The following MDN1 variants were observed in gnomAD, a reference collection of about 807,000 sequenced individuals.
MDN1 encodes midasin.
In MDN1, 266 loss-of-function variants were observed where a neutral mutation model predicts 669.2. That is an observed-to-expected ratio of 0.40 (90% confidence interval 0.36 to 0.44). The LOEUF (loss-of-function observed/expected upper bound fraction) is 0.44, where lower values mean the gene tolerates loss of function less well. Among genes scored for constraint, MDN1 ranks in the 20% least tolerant of loss-of-function variants. MDN1 has a pLI of 1.00. For synonymous variants in MDN1, 2,385 were observed against 2,457.1 expected, an observed-to-expected ratio of 0.97 and a Z score of 0.87; for missense variants, 5,940 against 6,754.0, an observed-to-expected ratio of 0.88 and a Z score of 4.22.
In MDN1 at chr6:89,695,500, C is replaced by T; in HGVS notation, c.9771+105G>A. 1 of 1,400,320 alleles carries T rather than the reference C, an allele frequency of 7.1e-7. No homozygotes were observed. The highest frequency in any genetic ancestry group is 9.7e-7 in the Non-Finnish European group (1 of 1,032,162). The allele number at this position is 1,400,320 out of a possible 1,614,324, so 86.7% of individuals were successfully genotyped here. On this transcript the variant is annotated intron_variant, in intron 61 of 101. Coordinates refer to ENST00000369393, the MANE Select transcript of MDN1 (RefSeq NM_014611.3). The surrounding 1 kb of genome is among the most constrained non-coding windows in gnomAD (Gnocchi z 4.1). Reference sequence around the variant, plus strand: ...ATAAGGCAACTTATGCAATATCATGCTTGTGATGATCTGAGCACCCAAAAG... The same window carrying T: ...ATAAGGCAACTTATGCAATATCATGTTTGTGATGATCTGAGCACCCAAAAG...
At chr6:89,762,196 G>C (rs140348750) in intron 16 of MDN1, 123 bp downstream of exon 16, 1 of 778,630 alleles carries the variant, frequency 1.3e-6, no homozygotes, top group African/African-American at 1.7e-5. Context: ...TTCACAATTA[G>C]TCACTTCTGC....
intron 2 of MDN1, among the ~76,000 whole-genome samples, chr6:89,799,171 T>C (rs1198469976): frequency 1.3e-5 from 2 of 152,208 alleles, no homozygotes; most frequent in East Asian, 3.8e-4. Context: ...ACCTTACACA[T>C]GGACCATGTC....
At chr6:89,801,047 G>C (rs1017034082) in intron 2 of MDN1, among the ~76,000 whole-genome samples, 8 of 152,204 alleles carry the variant, frequency 5.3e-5, no homozygotes, top group Non-Finnish European at 1.0e-4. Context: ...AGCAGGCGCT[G>C]GTCAAGTCAG....
chr6:89,766,400 T>C (rs926251996), intron 15 of MDN1, among the ~76,000 whole-genome samples: 3 of 150,636 alleles, frequency 2.0e-5, no homozygotes, highest in Non-Finnish European at 3.0e-5. Flanking sequence ...TGAAAAAACA[T>C]ACATTTCAAA....
intron 82 of MDN1, among the ~76,000 whole-genome samples, chr6:89,671,281 C>T (rs536866756): frequency 3.3e-5 from 5 of 152,274 alleles, no homozygotes; most frequent in East Asian, 1.9e-4. Context: ...TTACATATAT[C>T]GTCACAAAAG....
At chr6:89,674,977 C>G (rs1811084284) in intron 78 of MDN1, among the ~76,000 whole-genome samples, 1 of 152,180 alleles carries the variant, frequency 6.6e-6, no homozygotes, top group African/African-American at 2.4e-5. Context: ...CCTAACTGTC[C>G]TCATCTCTTA....
At chr6:89,699,111 A>C (rs1812968594) in intron 58 of MDN1, 76 bp from the exon 59 acceptor site, 2 of 1,311,496 alleles carry the variant, frequency 1.5e-6, no homozygotes, top group Non-Finnish European at 2.1e-6. Context: ...CTTTCTTCTA[A>C]GGCCCATCTA....
At chr6:89,764,572 G>A (rs984998008) in intron 15 of MDN1, among the ~76,000 whole-genome samples, 4 of 152,172 alleles carry the variant, frequency 2.6e-5, no homozygotes, top group Admixed American at 6.5e-5. Context: ...CATAATGTAA[G>A]GTAAAAGCTG....
intron 20 of MDN1, among the ~76,000 whole-genome samples, chr6:89,755,679 T>G (rs1383541040): frequency 6.6e-6 from 1 of 152,318 alleles, no homozygotes; most frequent in East Asian, 1.9e-4. Context: ...GAACACACAA[T>G]TAAGTTACTG....
chr6:89,735,449 T>C (rs62417328), intron 33 of MDN1, among the ~76,000 whole-genome samples: 13,108 of 151,180 alleles, frequency 0.087, 759 homozygotes, highest in Non-Finnish European at 0.13. Flanking sequence ...TCATAGTTCA[T>C]TGTAATCTCA....
chr6:89,698,762 G>A (rs1303053081), intron 59 of MDN1, 103 bp downstream of exon 59: 6 of 1,151,072 alleles, frequency 5.2e-6, no homozygotes, highest in Admixed American at 2.2e-5. Flanking sequence ...GCAATCACCT[G>A]TTTAGTCACC....
intron 91 of MDN1, among the ~76,000 whole-genome samples, chr6:89,656,339 C>T (rs1014919265): frequency 3.3e-5 from 5 of 151,976 alleles, no homozygotes; most frequent in Non-Finnish European, 4.4e-5. Flanking sequence ...TTTTGCATCA[C>T]GTGCATAAAT....
At chr6:89,766,547 T>C (rs1314258669) in intron 15 of MDN1, among the ~76,000 whole-genome samples, 1 of 152,198 alleles carries the variant, frequency 6.6e-6, no homozygotes, top group Non-Finnish European at 1.5e-5. Context: ...AACCGTCTTC[T>C]GCAGAAAGGC....
At chr6:89,793,693 G>A in intron 5 of MDN1, 69 bp downstream of exon 5, 1 of 1,348,624 alleles carries the variant, frequency 7.4e-7, no homozygotes, top group Non-Finnish European at 1.0e-6. Context: ...ATAGAACCCA[G>A]CCAAAGACAG....
intron 78 of MDN1, 29 bp from the exon 79 acceptor site, chr6:89,674,618 C>T: frequency 6.6e-7 from 1 of 1,505,696 alleles, no homozygotes; most frequent in Non-Finnish European, 8.8e-7. Flanking sequence ...GGGAAAAACA[C>T]AATGAATGGC....
chr6:89,773,307 C>T (rs941523516), intron 13 of MDN1, among the ~76,000 whole-genome samples: 3 of 151,848 alleles, frequency 2.0e-5, no homozygotes, highest in African/African-American at 4.8e-5. Flanking sequence ...TTTGGGAGGC[C>T]GAAGCTGGCA....
Position 89,790,916 on chromosome 6 carries a change from G to A in MDN1, c.856-515C>T, listed in dbSNP as rs1308075766. Among the ~76,000 whole-genome samples the A allele has an allele frequency of 9.2e-5, 14 of 152,216 alleles. No homozygotes were observed. The South Asian group carries it at 2.1e-3, about 23-fold the overall frequency. On this transcript the variant is annotated intron_variant, in intron 5 of 101. Coordinates refer to ENST00000369393, the MANE Select transcript of MDN1 (RefSeq NM_014611.3). Reference sequence around the variant, plus strand: ...CATATGCCTGTAATCCCAGCTACTCGGGAAGCTAAGGCTGAAGAATCACTT... The same window carrying A: ...CATATGCCTGTAATCCCAGCTACTCAGGAAGCTAAGGCTGAAGAATCACTT...
chr6:89,650,280 T>A, intron 96 of MDN1, 82 bp from the exon 97 acceptor site: 1 of 1,316,860 alleles, frequency 7.6e-7, no homozygotes, highest in Non-Finnish European at 1.0e-6. Flanking sequence ...ATCACAATAA[T>A]ACCTTAAAAC....
chr6:89,789,947 A>G (rs777212101), intron 6 of MDN1, 36 bp from the exon 7 acceptor site: 3 of 1,604,366 alleles, frequency 1.9e-6, no homozygotes, highest in Admixed American at 1.7e-5. Flanking sequence ...CTGAAAAACC[A>G]TACCTGTAGT....
Sources: allele counts gnomAD v4.1 joint callset (sites outside exome capture counted in the v4.1 genomes callset), GRCh38; gene constraint gnomAD v4.1.1; non-coding constraint Gnocchi (gnomAD v3.1); transcripts MANE v1.5; gene names NCBI Gene and HGNC (gene_info 2026-07-23, HGNC 2026-07-21).